The following LINC00305 variants were observed in gnomAD, a reference collection of about 807,000 sequenced individuals.
The protein encoded by LINC00305 is long independently transcribed non-coding RNA 305.
chr18:64,100,546 C>T (rs1265685643), intron 1 of LINC00305, among the ~76,000 whole-genome samples: 1 of 152,174 alleles, frequency 6.6e-6, no homozygotes, highest in Non-Finnish European at 1.5e-5. Context: ...CCTACTTTTA[C>T]CCACATCCCT....
chr18:64,130,337 G>T (rs2051403870), intron 1 of LINC00305, among the ~76,000 whole-genome samples: 1 of 152,068 alleles, frequency 6.6e-6, no homozygotes, highest in Non-Finnish European at 1.5e-5. Context: ...GCACATTGGA[G>T]AATAATTAGG....
chr18:64,148,394 A>G (rs184802783), intron 1 of LINC00305, among the ~76,000 whole-genome samples: 4 of 95,994 alleles, frequency 4.2e-5, no homozygotes. Flanking sequence ...TTTGCTCCTA[A>G]TAAGAAAAAT....
intron 1 of LINC00305, among the ~76,000 whole-genome samples, chr18:64,143,305 A>G (rs72949552): frequency 0.071 from 10,736 of 152,220 alleles, 561 homozygotes; most frequent in Non-Finnish European, 0.12. Flanking sequence ...AAGCACCAAG[A>G]TGACACTAAA....
intron 3 of LINC00305, among the ~76,000 whole-genome samples, chr18:64,097,035 C>T (rs996689184): frequency 4.0e-5 from 6 of 151,820 alleles, no homozygotes; most frequent in African/African-American, 1.4e-4. Context: ...TTCTGGAGGA[C>T]ATGGTGAGAA....
chr18:64,115,030 G>A lies in LINC00305; in HGVS notation n.315-16390C>T, dbSNP rs571919697. ...GGCTGGGGTGATGCACCCATTTGTC[G>A]TCAGCCCTCTGGGATGCTTTACTGC... On this transcript the variant is annotated intron_variant and non_coding_transcript_variant, in intron 1 of 3. Transcript: ENST00000666468. Among the ~76,000 whole-genome samples the A allele has an allele frequency of 1.2e-4, 18 of 152,208 alleles. No individual in the cohort carries two copies. In the East Asian group the frequency reaches 2.5e-3, roughly 21 times the overall value.
intron 3 of LINC00305, among the ~76,000 whole-genome samples, chr18:64,087,317 C>A (rs1448813034): frequency 6.6e-6 from 1 of 152,118 alleles, no homozygotes. Flanking sequence ...CATTAGTCCA[C>A]TTAATCAGAA....
chr18:64,135,422 C>G (rs2051428446), intron 1 of LINC00305, among the ~76,000 whole-genome samples: 2 of 151,924 alleles, frequency 1.3e-5, no homozygotes, highest in South Asian at 4.2e-4. Context: ...AGTCAGTAAC[C>G]CTGAGGTTTT....
At chr18:64,143,056 G>A (rs1197615588) in intron 1 of LINC00305, among the ~76,000 whole-genome samples, 3 of 152,166 alleles carry the variant, frequency 2.0e-5, no homozygotes, top group African/African-American at 7.2e-5. Context: ...GGTGCCATGA[G>A]GGGAAGGGGA....
intron 1 of LINC00305, among the ~76,000 whole-genome samples, chr18:64,124,929 C>T (rs528191535): frequency 6.6e-6 from 1 of 152,234 alleles, no homozygotes; most frequent in Non-Finnish European, 1.5e-5. Flanking sequence ...TATCTTTTTG[C>T]TCTGAATTAA....
intron 1 of LINC00305, chr18:64,098,714 G>C (rs1568106375): frequency 2.7e-6 from 1 of 373,338 alleles, no homozygotes; most frequent in African/African-American, 2.1e-5. Flanking sequence ...GAGTAACCCT[G>C]GGAGTGTAAA....
At chr18:64,136,068 C>A (rs949867086) in intron 1 of LINC00305, among the ~76,000 whole-genome samples, 2 of 152,296 alleles carry the variant, frequency 1.3e-5, no homozygotes, top group South Asian at 2.1e-4. Flanking sequence ...TCTGGAGGGG[C>A]CTCAGGGAAG....
chr18:64,080,871 A>T (rs1421903823), intron 3 of LINC00305, among the ~76,000 whole-genome samples: 1 of 152,304 alleles, frequency 6.6e-6, no homozygotes, highest in South Asian at 2.1e-4. Flanking sequence ...CTTATTTTAA[A>T]TCTTTTTCTT....
chr18:64,091,059 A>G (rs530944185), intron 3 of LINC00305, among the ~76,000 whole-genome samples: 3 of 152,288 alleles, frequency 2.0e-5, no homozygotes, highest in South Asian at 4.1e-4. Context: ...CTTTTCTACT[A>G]TGTGGTCATT....
intron 3 of LINC00305, among the ~76,000 whole-genome samples, chr18:64,082,903 T>G (rs1039541686): frequency 8.5e-5 from 13 of 152,176 alleles, no homozygotes; most frequent in Admixed American, 3.9e-4. Context: ...TTCTTGTTTC[T>G]AAAATATTTG....
intron 3 of LINC00305, among the ~76,000 whole-genome samples, chr18:64,094,701 A>G (rs976551221): frequency 1.3e-5 from 2 of 152,044 alleles, no homozygotes; most frequent in Admixed American, 6.6e-5. Context: ...CATCTCTACT[A>G]AAAATACAAA....
chr18:64,142,303 C>A (rs1423872763), intron 1 of LINC00305, among the ~76,000 whole-genome samples: 3 of 152,156 alleles, frequency 2.0e-5, no homozygotes, highest in Non-Finnish European at 4.4e-5. Flanking sequence ...TGTAGATTCT[C>A]TTTTACCTGG....
At position 64,108,468 on chromosome 18, in the gene LINC00305, T is replaced by C. The variant is rs140224532; in HGVS notation, n.315-9828A>G. 1.5e-3 allele frequency among the ~76,000 whole-genome samples: 227 copies of C among 152,268 alleles called. 1 individual carries two copies. The highest frequency in any genetic ancestry group is 5.1e-3 in the African/African-American group (213 of 41,546). On this transcript the variant is annotated intron_variant and non_coding_transcript_variant, in intron 1 of 3. Coordinates refer to ENST00000666468, the Ensembl canonical transcript of LINC00305. ...TCAGAGAAGTAGGTAACTATGCTAG[T>C]TCAATCTAACCATAACTGCTACTGC...
chr18:64,096,039 A>T (rs10439077), intron 3 of LINC00305, among the ~76,000 whole-genome samples: 21,672 of 151,988 alleles, frequency 0.14, 2,103 homozygotes, highest in African/African-American at 0.28. Flanking sequence ...TGATAAAAAA[A>T]AATATTAAAA....
chr18:64,123,629 AAGAAT>A (rs1009602338), intron 1 of LINC00305, among the ~76,000 whole-genome samples: 1 of 151,718 alleles, frequency 6.6e-6, no homozygotes, highest in African/African-American at 2.4e-5. Flanking sequence ...ATTTTTTTTT[AAGAAT>A]GCTCTTTCCT....
Sources: gnomAD v4.1 joint callset for allele counts (sites outside exome capture counted in the v4.1 genomes callset) on GRCh38, gnomAD v4.1.1 for gene constraint, MANE v1.5 for transcripts, NCBI Gene and HGNC (gene_info 2026-07-23, HGNC 2026-07-21) for gene names.